The following CRB1 variants were observed in gnomAD, a reference collection of about 807,000 sequenced individuals.
CRB1 encodes crumbs cell polarity complex component 1, also known as protein crumbs homolog 1.
A neutral mutation model predicts 120.0 loss-of-function variants in CRB1; 83 were observed. That is an observed-to-expected ratio of 0.69 (90% CI 0.58 to 0.83). CRB1 has a LOEUF of 0.83. Ranked by LOEUF, CRB1 falls within the 40% of genes least tolerant of loss-of-function variation. The pLI is 0.00. For synonymous variants in CRB1, 625 were observed against 612.5 expected (o/e 1.02, Z -0.30); for missense variants, 1,699 against 1,687.6 (o/e 1.01, Z -0.12).
chr1:197,264,863 G>T (rs1654597472), upstream of CRB1, among the ~76,000 whole-genome samples: 1 of 151,698 alleles, frequency 6.6e-6, no homozygotes, highest in African/African-American at 2.4e-5. Flanking sequence ...GACCTCATGT[G>T]ATCCACCCGC....
At chr1:197,370,442 C>T (rs1172381760) in intron 5 of CRB1, among the ~76,000 whole-genome samples, 1 of 152,016 alleles carries the variant, frequency 6.6e-6, no homozygotes, top group Non-Finnish European at 1.5e-5. Flanking sequence ...AAACAAGTCT[C>T]GAGAAATTTT....
intron 4 of CRB1, among the ~76,000 whole-genome samples, chr1:197,349,786 T>C (rs1373364545): frequency 1.3e-5 from 2 of 152,228 alleles, no homozygotes; most frequent in Non-Finnish European, 1.5e-5. Flanking sequence ...TTGCTAACCT[T>C]TGGTCATCAA....
At chr1:197,313,240 A>T (rs533405335) in intron 1 of CRB1, among the ~76,000 whole-genome samples, 1 of 152,220 alleles carries the variant, frequency 6.6e-6, no homozygotes, top group Non-Finnish European at 1.5e-5. Flanking sequence ...ATCTGCTCCC[A>T]TGATCCAATC....
intron 11 of CRB1, among the ~76,000 whole-genome samples, chr1:197,460,399 A>G (rs549797530): frequency 6.6e-6 from 1 of 152,224 alleles, no homozygotes; most frequent in African/African-American, 2.4e-5. Flanking sequence ...GAGCTAAGGA[A>G]GCCAGAAGAT....
At chr1:197,462,830 A>T (rs1205201939) in intron 11 of CRB1, among the ~76,000 whole-genome samples, 1 of 152,156 alleles carries the variant, frequency 6.6e-6, no homozygotes, top group Non-Finnish European at 1.5e-5. Flanking sequence ...ATCTCAGCAA[A>T]TAACGCCAGA....
intron 11 of CRB1, 50 bp from the exon 12 acceptor site, chr1:197,477,614 T>G: frequency 1.3e-6 from 2 of 1,554,700 alleles, no homozygotes; most frequent in Admixed American, 1.7e-5. Context: ...CCTGAATATT[T>G]ATTTGCCTTT....
At position 197,478,184 on chromosome 1, in the gene CRB1, C is replaced by T. The variant is rs370582068; in HGVS notation, c.*305C>T. The stretch of plus-strand genomic sequence containing the variant: ...TTAGTGGCTATCACTGAAACTCTTT[C>T]CTCTTTTCAACCTGGGAACAAATTT... On this transcript the variant is annotated 3_prime_UTR_variant, in exon 12 of 12. Transcript: ENST00000367400. 1.0e-3 allele frequency: 382 copies of T among 372,934 alleles called. 3 individuals are homozygous for T. Among genetic ancestry groups the T allele is most frequent in the African/African-American group, 7.6e-3 (370 of 48,448 alleles). 23.1% of individuals were successfully genotyped at this position (372,934 alleles called of 1,614,324 possible).
At chr1:197,253,320 C>T in the CRB1 span, among the ~76,000 whole-genome samples, 1 of 152,028 alleles carries the variant, frequency 6.6e-6, no homozygotes, top group African/African-American at 2.4e-5. Context: ...CTTTAAAAGT[C>T]TATTTAAAAT....
the CRB1 span, among the ~76,000 whole-genome samples, chr1:197,231,852 TTTG>T: frequency 1.9e-3 from 288 of 152,248 alleles, no homozygotes; most frequent in African/African-American, 6.7e-3. Context: ...GCAGACGCTA[TTTG>T]TAGTAGGCTG....
chr1:197,209,361 T>C, the CRB1 span, among the ~76,000 whole-genome samples: 10,040 of 152,114 alleles, frequency 0.066, 1,131 homozygotes, highest in African/African-American at 0.23. Flanking sequence ...TTTTGTTTTT[T>C]TGAGATGGAG....
At chr1:197,315,885 T>C (rs987409917) in intron 1 of CRB1, among the ~76,000 whole-genome samples, 5 of 152,254 alleles carry the variant, frequency 3.3e-5, no homozygotes, top group African/African-American at 1.2e-4. Flanking sequence ...GTTTAAGATA[T>C]AACAATTGCT....
intron 5 of CRB1, among the ~76,000 whole-genome samples, chr1:197,378,640 T>A (rs995596740): frequency 1.3e-5 from 2 of 152,122 alleles, no homozygotes; most frequent in African/African-American, 2.4e-5. Flanking sequence ...AGGAAGAGGG[T>A]CTGAATGAAA....
At chr1:197,268,523 C>A in intron 1 of CRB1, 41 bp downstream of exon 1, 1 of 1,363,876 alleles carries the variant, frequency 7.3e-7, no homozygotes, top group South Asian at 1.2e-5. Flanking sequence ...TGGTTTATTT[C>A]TGGCTTATTA....
chr1:197,372,334 A>G (rs1661413434), intron 5 of CRB1, among the ~76,000 whole-genome samples: 1 of 152,180 alleles, frequency 6.6e-6, no homozygotes, highest in South Asian at 2.1e-4. Flanking sequence ...TTAGATTGAC[A>G]TACTGATCTT....
At chr1:197,412,799 A>C (rs1356082025) in intron 5 of CRB1, among the ~76,000 whole-genome samples, 1 of 152,252 alleles carries the variant, frequency 6.6e-6, no homozygotes, top group African/African-American at 2.4e-5. Context: ...GCCTTGATAA[A>C]TAAGTTTTAA....
chr1:197,257,146 C>T, the CRB1 span, among the ~76,000 whole-genome samples: 4 of 151,856 alleles, frequency 2.6e-5, no homozygotes, highest in Admixed American at 6.6e-5. Context: ...GGGGTGCCGC[C>T]GGAGTAAGTC....
At chr1:197,431,924 CTATTA>C (rs966440282) in intron 8 of CRB1, among the ~76,000 whole-genome samples, 11 of 152,148 alleles carry the variant, frequency 7.2e-5, no homozygotes, top group Non-Finnish European at 1.5e-4. Flanking sequence ...TCTTATGACT[CTATTA>C]TATTTTCTTT....
At chr1:197,438,072 A>C (rs1163381749) in intron 9 of CRB1, 1 of 199,496 alleles carries the variant, frequency 5.0e-6, no homozygotes, top group East Asian at 1.2e-4. Context: ...GAATTATTAC[A>C]TAGGGAGCAG....
At chr1:197,221,302 A>C in the CRB1 span, among the ~76,000 whole-genome samples, 2 of 152,222 alleles carry the variant, frequency 1.3e-5, no homozygotes, top group East Asian at 3.8e-4. Flanking sequence ...AAGATAAAAC[A>C]AGGGGTGAGC....
Sources: allele counts gnomAD v4.1 joint callset (sites outside exome capture counted in the v4.1 genomes callset), GRCh38; gene constraint gnomAD v4.1.1; transcripts MANE v1.5; gene names NCBI Gene and HGNC (gene_info 2026-07-23, HGNC 2026-07-21).